KHDRBS2: variants seen among roughly 807,000 people sequenced by gnomAD.
The protein encoded by KHDRBS2 is KH domain-containing, RNA-binding, signal transduction-associated protein 2.
Under a neutral mutation model 44.3 loss-of-function variants are expected in KHDRBS2, and 26 were observed. The ratio of observed to expected loss-of-function variants is 0.59; its 90% CI spans 0.43 to 0.81. The LOEUF (loss-of-function observed/expected upper bound fraction) is 0.81. Ranked by LOEUF, KHDRBS2 falls within the 40% of genes least tolerant of loss-of-function variation. KHDRBS2 has a pLI of 0.00. For missense variants in KHDRBS2, 476 were observed against 433.1 expected, an observed-to-expected ratio of 1.10 and a Z score of -0.88; for synonymous variants, 194 against 151.1, an observed-to-expected ratio of 1.28 and a Z score of -2.08.
chr6:62,092,674 T>C (rs370097303), intron 2 of KHDRBS2, among the ~76,000 whole-genome samples: 1 of 152,236 alleles, frequency 6.6e-6, no homozygotes, highest in South Asian at 2.1e-4. Flanking sequence ...TATGAATTTA[T>C]AAATGACCTT....
chr6:61,967,143 T>C (rs1770158384), intron 4 of KHDRBS2, among the ~76,000 whole-genome samples: 1 of 149,224 alleles, frequency 6.7e-6, no homozygotes, highest in African/African-American at 2.5e-5. Flanking sequence ...CACATGAAAT[T>C]ACAATTGTGT....
intron 3 of KHDRBS2, among the ~76,000 whole-genome samples, chr6:61,980,318 A>G (rs1387908045): frequency 6.6e-6 from 1 of 152,190 alleles, no homozygotes; most frequent in African/African-American, 2.4e-5. Context: ...TGTGGAACAC[A>G]TATTCCTCCT....
chr6:61,776,966 T>G (rs1321241689), intron 6 of KHDRBS2, among the ~76,000 whole-genome samples: 2 of 152,092 alleles, frequency 1.3e-5, no homozygotes, highest in Non-Finnish European at 2.9e-5. Context: ...CCATAAAAAT[T>G]GATGAGTTCA....
chr6:61,791,735 T>A (rs1784668524), intron 6 of KHDRBS2, among the ~76,000 whole-genome samples: 2 of 151,496 alleles, frequency 1.3e-5, no homozygotes, highest in South Asian at 4.1e-4. Context: ...GAAGTTACCC[T>A]CTGTCTCTAG....
chr6:61,988,965 T>G (rs1170630035), intron 3 of KHDRBS2, among the ~76,000 whole-genome samples: 1 of 152,260 alleles, frequency 6.6e-6, no homozygotes, highest in East Asian at 1.9e-4. Context: ...ATAAAAACAT[T>G]TTTAAAAGAA....
rs149661265 is a variant in KHDRBS2 at position 62,121,754 on chromosome 6, T to C, written c.219+55431A>G. Among the ~76,000 whole-genome samples the C allele has an allele frequency of 7.9e-3, 1,196 of 152,312 alleles. 10 individuals carry two copies. The highest frequency in any genetic ancestry group is 0.037 in the Middle Eastern group (11 of 294). On this transcript the variant is annotated intron_variant, in intron 2 of 8. Transcript: ENST00000281156. The stretch of plus-strand genomic sequence containing the variant: ...TGGGTCCGTTACATTGATTACACTA[T>C]GCTGATTGGATCTAGTGAGCAAGAA...
chr6:62,227,986 T>C (rs1368056514), intron 1 of KHDRBS2, among the ~76,000 whole-genome samples: 1 of 152,196 alleles, frequency 6.6e-6, no homozygotes, highest in East Asian at 1.9e-4. Context: ...AAATTTTTTG[T>C]TGTTGTTGTT....
rs143834436 is a variant in KHDRBS2 at position 61,911,001 on chromosome 6, G to A, written c.484-9630C>T. Among the ~76,000 whole-genome samples, 4 of 152,242 alleles carry A rather than the reference G, an allele frequency of 2.6e-5. No homozygotes were observed. The East Asian group carries it at 5.8e-4, about 22-fold the overall frequency. Reference sequence around the variant, plus strand: ...ACCTTTATTTAAAAGTATATAAAATGAACTCTTTGTTAACACAGAATTGAT... The same window carrying A: ...ACCTTTATTTAAAAGTATATAAAATAAACTCTTTGTTAACACAGAATTGAT... On this transcript the variant is annotated intron_variant, in intron 4 of 8. Transcript: ENST00000281156.
chr6:62,073,810 C>T (rs1055348448), intron 2 of KHDRBS2, among the ~76,000 whole-genome samples: 1 of 151,652 alleles, frequency 6.6e-6, no homozygotes. Flanking sequence ...AGCTCTTCAC[C>T]AAGATCGACA....
intron 4 of KHDRBS2, among the ~76,000 whole-genome samples, chr6:61,946,209 C>T (rs1249769810): frequency 6.6e-6 from 1 of 152,196 alleles, no homozygotes; most frequent in Non-Finnish European, 1.5e-5. Flanking sequence ...TTGTGTACTA[C>T]TCTCTCCTCT....
intron 2 of KHDRBS2, among the ~76,000 whole-genome samples, chr6:62,079,609 T>C (rs578068685): frequency 6.6e-6 from 1 of 152,146 alleles, no homozygotes; most frequent in Non-Finnish European, 1.5e-5. Context: ...AAAGCAAAAT[T>C]GAAAATTTAA....
chr6:62,010,765 A>G (rs747434346), intron 3 of KHDRBS2, among the ~76,000 whole-genome samples: 19 of 152,136 alleles, frequency 1.2e-4, no homozygotes, highest in Non-Finnish European at 2.6e-4. Flanking sequence ...CCACGATTGT[A>G]ATAGTTTAAA....
intron 4 of KHDRBS2, among the ~76,000 whole-genome samples, chr6:61,931,352 G>A (rs1003851578): frequency 1.3e-5 from 2 of 151,818 alleles, no homozygotes; most frequent in Non-Finnish European, 2.9e-5. Context: ...TATAAAAGAT[G>A]AAAGTATAGT....
At chr6:61,565,063 A>G in the KHDRBS2 span, among the ~76,000 whole-genome samples, 13 of 152,190 alleles carry the variant, frequency 8.5e-5, no homozygotes, top group Admixed American at 4.6e-4. Context: ...ACACACATTA[A>G]GGGAAGGGAC....
intron 3 of KHDRBS2, among the ~76,000 whole-genome samples, chr6:62,020,903 C>T (rs9354519): frequency 0.61 from 93,073 of 151,826 alleles, 28,744 homozygotes; most frequent in Non-Finnish European, 0.62. Flanking sequence ...TAATACAAAC[C>T]GTTGTATCAT....
At chr6:61,765,472 T>A (rs1779870566) in intron 6 of KHDRBS2, among the ~76,000 whole-genome samples, 1 of 151,928 alleles carries the variant, frequency 6.6e-6, no homozygotes, top group African/African-American at 2.4e-5. Flanking sequence ...AAAAAATAAA[T>A]AAGTAAATAA....
chr6:62,191,301 A>G (rs1200796350), intron 1 of KHDRBS2, among the ~76,000 whole-genome samples: 1 of 152,088 alleles, frequency 6.6e-6, no homozygotes, highest in Admixed American at 6.6e-5. Flanking sequence ...GTCTATCCTC[A>G]TACATACTCT....
chr6:62,134,859 A>T (rs1811158788), intron 2 of KHDRBS2, among the ~76,000 whole-genome samples: 1 of 152,168 alleles, frequency 6.6e-6, no homozygotes, highest in African/African-American at 2.4e-5. Flanking sequence ...TGAAATGGGT[A>T]TATTTATACA....
chr6:62,207,909 A>G (rs919243902), intron 1 of KHDRBS2, among the ~76,000 whole-genome samples: 2 of 152,162 alleles, frequency 1.3e-5, no homozygotes, highest in Non-Finnish European at 2.9e-5. Context: ...TTTTTTGACA[A>G]GAGCAACTAA....
Sources: gnomAD v4.1 joint callset for allele counts (sites outside exome capture counted in the v4.1 genomes callset) on GRCh38, gnomAD v4.1.1 for gene constraint, MANE v1.5 for transcripts, NCBI Gene and HGNC (gene_info 2026-07-23, HGNC 2026-07-21) for gene names.